Variants in CSMD1 observed in about 807,000 individuals in gnomAD.
CSMD1 encodes CUB and sushi domain-containing protein 1.
Under a neutral mutation model 417.5 loss-of-function variants are expected in CSMD1, and 213 were observed. The observed-to-expected ratio is 0.51, with a 90% confidence interval of 0.46 to 0.57. The LOEUF is 0.57. Among genes scored for constraint, CSMD1 ranks in the 20% least tolerant of loss-of-function variants. CSMD1 has a pLI of 0.00. For missense variants in CSMD1, 6,923 were observed against 4,529.7 expected, an observed-to-expected ratio of 1.53 and a Z score of -15.17; for synonymous variants, 2,862 against 1,736.8, an observed-to-expected ratio of 1.65 and a Z score of -16.11.
intron 9 of CSMD1, among the ~76,000 whole-genome samples, chr8:3,579,040 G>A (rs1800270167): frequency 6.6e-6 from 1 of 152,184 alleles, no homozygotes; most frequent in Non-Finnish European, 1.5e-5. Context: ...TCACCGACAT[G>A]CTTGATAAAG....
At chr8:3,515,536 A>G (rs73503645) in intron 10 of CSMD1, among the ~76,000 whole-genome samples, 18,892 of 152,178 alleles carry the variant, frequency 0.12, 1,546 homozygotes, top group African/African-American at 0.22. Context: ...TGTTCAGGAG[A>G]ATGAGAAAGC....
chr8:3,505,252 G>C (rs184813061), intron 10 of CSMD1, among the ~76,000 whole-genome samples: 7 of 152,170 alleles, frequency 4.6e-5, no homozygotes, highest in Admixed American at 3.3e-4. Flanking sequence ...AACACTGTTA[G>C]ATGCGATAAA....
At position 3,740,707 on chromosome 8, in the gene CSMD1, C is replaced by G. The variant is rs534416768; in HGVS notation, c.931+13223G>C. On this transcript the variant is annotated intron_variant, in intron 6 of 69. Transcript: ENST00000635120. ...GAGGAGTCGAAGCAAACAAAACAAACTGCAAACGAAGAGTCTAAAAGACTT... is the reference window on the plus strand; with the variant it reads ...GAGGAGTCGAAGCAAACAAAACAAAGTGCAAACGAAGAGTCTAAAAGACTT... Among the ~76,000 whole-genome samples the G allele has an allele frequency of 2.6e-5, 4 of 152,284 alleles. No individual in the cohort carries two copies. In the South Asian group the frequency reaches 8.3e-4, roughly 32 times the overall value.
chr8:3,068,250 TTTC>T (rs948658794), intron 49 of CSMD1, among the ~76,000 whole-genome samples: 6 of 152,172 alleles, frequency 3.9e-5, no homozygotes, highest in Admixed American at 1.3e-4. Context: ...CATGTTCTTT[TTTC>T]TTTTTTCTTT....
At chr8:4,115,400 C>T (rs1052613303) in intron 3 of CSMD1, among the ~76,000 whole-genome samples, 1 of 152,158 alleles carries the variant, frequency 6.6e-6, no homozygotes, top group Non-Finnish European at 1.5e-5. Context: ...TGCACTAAGC[C>T]AACATATTCC....
At chr8:4,099,142 A>G (rs1801172783) in intron 3 of CSMD1, among the ~76,000 whole-genome samples, 1 of 151,226 alleles carries the variant, frequency 6.6e-6, no homozygotes, top group South Asian at 2.1e-4. Flanking sequence ...TCCTTCTTTC[A>G]GGCCCCAACC....
At chr8:4,412,149 A>G (rs1796684883) in intron 3 of CSMD1, among the ~76,000 whole-genome samples, 1 of 152,076 alleles carries the variant, frequency 6.6e-6, no homozygotes, top group South Asian at 2.1e-4. Context: ...TAAATATCTC[A>G]ATGTGCCTCT....
intron 10 of CSMD1, among the ~76,000 whole-genome samples, chr8:3,528,084 C>A (rs921906984): frequency 6.6e-6 from 1 of 152,150 alleles, no homozygotes; most frequent in African/African-American, 2.4e-5. Context: ...ATAAGAACCA[C>A]TGATACAGGG....
chr8:4,445,346 G>A (rs573288673), intron 2 of CSMD1, among the ~76,000 whole-genome samples: 1 of 152,174 alleles, frequency 6.6e-6, no homozygotes, highest in African/African-American at 2.4e-5. Context: ...AGAAGTGTAT[G>A]AAGTCTTTTC....
chr8:3,476,343 T>C (rs1244924766), intron 11 of CSMD1, among the ~76,000 whole-genome samples: 1 of 152,206 alleles, frequency 6.6e-6, no homozygotes, highest in Non-Finnish European at 1.5e-5. Flanking sequence ...ATACATGTGT[T>C]TTTCCAATTC....
At chr8:3,160,443 T>C (rs1279050175) in intron 38 of CSMD1, among the ~76,000 whole-genome samples, 2 of 152,176 alleles carry the variant, frequency 1.3e-5, no homozygotes, top group Non-Finnish European at 2.9e-5. Context: ...CTTTCTGACA[T>C]ATCAGGTGGA....
intron 3 of CSMD1, among the ~76,000 whole-genome samples, chr8:4,118,948 G>C (rs932793775): frequency 1.3e-5 from 2 of 152,154 alleles, no homozygotes; most frequent in African/African-American, 2.4e-5. Flanking sequence ...GGGGGGACAT[G>C]GGTGAAGCTG....
intron 3 of CSMD1, among the ~76,000 whole-genome samples, chr8:4,340,107 G>GTTTTGTTAATT (rs1800391893): frequency 6.6e-6 from 1 of 152,216 alleles, no homozygotes; most frequent in Admixed American, 6.5e-5. Context: ...GTTAACCTTA[G>GTTTTGTTAATT]AAGTTTTGTT....
At chr8:3,959,238 G>A (rs775683930) in intron 5 of CSMD1, among the ~76,000 whole-genome samples, 2 of 152,198 alleles carry the variant, frequency 1.3e-5, no homozygotes, top group Admixed American at 6.5e-5. Context: ...GGTGGGACAC[G>A]TGTGTAATCC....
intron 7 of CSMD1, among the ~76,000 whole-genome samples, chr8:3,628,552 G>A (rs554945183): frequency 6.6e-6 from 1 of 152,302 alleles, no homozygotes; most frequent in South Asian, 2.1e-4. Context: ...AGAGCTGGTT[G>A]GATGCCACTG....
At chr8:3,142,995 C>T (rs768720103) in intron 40 of CSMD1, among the ~76,000 whole-genome samples, 2 of 152,160 alleles carry the variant, frequency 1.3e-5, no homozygotes, top group African/African-American at 2.4e-5. Context: ...CACACGCACT[C>T]GGGGATGATT....
At chr8:4,097,515 C>G (rs77901156) in intron 3 of CSMD1, among the ~76,000 whole-genome samples, 1 of 152,062 alleles carries the variant, frequency 6.6e-6, no homozygotes, top group African/African-American at 2.4e-5. Flanking sequence ...TGTCTTGTTG[C>G]CCCTGGTGTG....
chr8:4,506,537 C>G (rs184279295), intron 2 of CSMD1, among the ~76,000 whole-genome samples: 1 of 152,080 alleles, frequency 6.6e-6, no homozygotes, highest in Admixed American at 6.5e-5. Context: ...ATGGGAGGAC[C>G]CAGTGGAAGG....
intron 1 of CSMD1, among the ~76,000 whole-genome samples, chr8:4,684,636 G>A (rs755304555): frequency 1.3e-5 from 2 of 152,142 alleles, no homozygotes; most frequent in Admixed American, 1.3e-4. Context: ...GATATTAATT[G>A]AATGTAAGGA....
Sources: allele counts gnomAD v4.1 joint callset (sites outside exome capture counted in the v4.1 genomes callset), GRCh38; gene constraint gnomAD v4.1.1; transcripts MANE v1.5; gene names NCBI Gene and HGNC (gene_info 2026-07-23, HGNC 2026-07-21).